The following SH3RF3 variants were observed in gnomAD, a reference collection of about 807,000 sequenced individuals.
SH3RF3 encodes the protein E3 ubiquitin-protein ligase SH3RF3.
Under a neutral mutation model 66.3 loss-of-function variants are expected in SH3RF3, and 29 were observed. That is an observed-to-expected ratio of 0.44 (90% CI 0.33 to 0.60). The LOEUF (loss-of-function observed/expected upper bound fraction) is 0.60, where lower values mean the gene tolerates loss of function less well. SH3RF3 is among the 20% of genes least tolerant of loss of function. The pLI, the probability that SH3RF3 is intolerant of heterozygous loss-of-function variation, is 0.04. For missense variants in SH3RF3, 1,194 were observed against 1,190.9 expected (o/e 1.00, Z -0.04); for synonymous variants, 583 against 532.0 (o/e 1.10, Z -1.32).
intron 8 of SH3RF3, among the ~76,000 whole-genome samples, chr2:109,457,386 G>A (rs1282005672): frequency 2.0e-5 from 3 of 152,296 alleles, no homozygotes; most frequent in Non-Finnish European, 4.4e-5. Context: ...GGTTTCAACT[G>A]CAAAGCATTA....
At chr2:109,210,093 AG>A (rs1241843533) in intron 1 of SH3RF3, among the ~76,000 whole-genome samples, 3 of 152,254 alleles carry the variant, frequency 2.0e-5, no homozygotes, top group African/African-American at 7.2e-5. Context: ...CATTTAGCAC[AG>A]GGTCCTCAGG....
intron 4 of SH3RF3, among the ~76,000 whole-genome samples, chr2:109,414,041 C>G (rs764324885): frequency 6.6e-6 from 1 of 152,226 alleles, no homozygotes; most frequent in African/African-American, 2.4e-5. Context: ...CAATGACATT[C>G]CCTCTGAAGC....
chr2:109,346,420 C>T (rs1014581422), intron 1 of SH3RF3, among the ~76,000 whole-genome samples: 3 of 152,158 alleles, frequency 2.0e-5, no homozygotes, highest in African/African-American at 7.2e-5. Context: ...GATTCGAATA[C>T]TGAAGAACTC....
chr2:109,243,311 TG>T (rs1365288269), intron 1 of SH3RF3, among the ~76,000 whole-genome samples: 1 of 152,256 alleles, frequency 6.6e-6, no homozygotes, highest in Non-Finnish European at 1.5e-5. Context: ...GAGACTCCCG[TG>T]TGCTTTTGCA....
chr2:109,432,329 G>A (rs1677253424), intron 5 of SH3RF3, among the ~76,000 whole-genome samples, 172 bp from the exon 6 acceptor site: 2 of 152,190 alleles, frequency 1.3e-5, no homozygotes, highest in African/African-American at 4.8e-5. Context: ...TTGTTATGAG[G>A]AGTGAGCTGG....
chr2:109,437,393 A>G (rs2104588258), intron 7 of SH3RF3, among the ~76,000 whole-genome samples: 1 of 151,586 alleles, frequency 6.6e-6, no homozygotes, highest in African/African-American at 2.4e-5. Context: ...TGAACGTCTG[A>G]TCTCCAGGAA....
intron 8 of SH3RF3, among the ~76,000 whole-genome samples, chr2:109,462,954 T>C (rs1209964395): frequency 1.3e-5 from 2 of 152,178 alleles, no homozygotes; most frequent in Non-Finnish European, 2.9e-5. Flanking sequence ...TTATTTTCTT[T>C]CCCCTAATGC....
intron 1 of SH3RF3, among the ~76,000 whole-genome samples, chr2:109,274,912 A>G (rs1431233027): frequency 6.6e-6 from 1 of 151,852 alleles, no homozygotes; most frequent in Non-Finnish European, 1.5e-5. Context: ...GCTGCACAAC[A>G]TTGTGAATGT....
At chr2:109,296,947 G>C (rs2105382557) in intron 1 of SH3RF3, among the ~76,000 whole-genome samples, 1 of 152,224 alleles carries the variant, frequency 6.6e-6, no homozygotes, top group South Asian at 2.1e-4. Flanking sequence ...CTAGGCCTGG[G>C]GACCTACCCT....
chr2:109,402,410 C>T (rs776596127), intron 4 of SH3RF3, among the ~76,000 whole-genome samples: 2 of 152,358 alleles, frequency 1.3e-5, no homozygotes, highest in East Asian at 1.9e-4. Context: ...CTTTGATCAT[C>T]GGCTTGGAGA....
intron 3 of SH3RF3, among the ~76,000 whole-genome samples, chr2:109,374,739 G>A (rs915494089): frequency 2.0e-5 from 3 of 152,148 alleles, no homozygotes; most frequent in East Asian, 3.9e-4. Context: ...CTCCACAGCC[G>A]CTCCAGCCGG....
chr2:109,498,008 GCCT>G (rs1679296121), intron 9 of SH3RF3, among the ~76,000 whole-genome samples: 6 of 152,168 alleles, frequency 3.9e-5, no homozygotes, highest in Admixed American at 3.9e-4. Flanking sequence ...GGCCCTCGCA[GCCT>G]CAGTTTGTGT....
At chr2:109,423,741 A>G (rs144460875) in intron 5 of SH3RF3, among the ~76,000 whole-genome samples, 1 of 152,028 alleles carries the variant, frequency 6.6e-6, no homozygotes, top group Non-Finnish European at 1.5e-5. Flanking sequence ...CCCCATGGTC[A>G]CCCCTTCCAG....
intron 1 of SH3RF3, among the ~76,000 whole-genome samples, chr2:109,343,725 C>G (rs1359197330): frequency 6.6e-6 from 1 of 150,880 alleles, no homozygotes; most frequent in East Asian, 1.9e-4. Context: ...TGCTTCTGCC[C>G]TGCTCCTGCC....
intron 8 of SH3RF3, among the ~76,000 whole-genome samples, chr2:109,488,371 C>T (rs1032618649): frequency 3.3e-5 from 5 of 152,216 alleles, no homozygotes; most frequent in Admixed American, 2.6e-4. Context: ...CAAGGTCACC[C>T]TCTCATCAAG....
chr2:109,248,279 A>T (rs1322569314), intron 1 of SH3RF3, among the ~76,000 whole-genome samples: 1 of 151,920 alleles, frequency 6.6e-6, no homozygotes, highest in Non-Finnish European at 1.5e-5. Flanking sequence ...TTCTTTTCTG[A>T]TGTGCTCATT....
intron 1 of SH3RF3, among the ~76,000 whole-genome samples, chr2:109,140,959 G>A (rs750831791): frequency 5.9e-5 from 9 of 152,124 alleles, no homozygotes; most frequent in Non-Finnish European, 8.8e-5. Context: ...CCTTCCATCC[G>A]GGGCTGCTGT....
chr2:109,501,742 G>A lies in SH3RF3; in HGVS notation c.*71G>A. The A allele has an allele frequency of 4.4e-6, 3 of 686,350 alleles. No homozygotes were observed. Among genetic ancestry groups the A allele is most frequent in the South Asian group, 1.6e-5 (1 of 64,368 alleles). The allele number at this position is 686,350 out of a possible 1,614,324, so 42.5% of individuals were successfully genotyped here. A position where few individuals can be genotyped will look rare whatever the true frequency, so the allele number is the denominator to read the frequency against. ...GGGAAGCTCCACGGCACACAGAGAG[G>A]GAGCCATGGCGCCCCAAGGGTTCCA... On this transcript the variant is annotated 3_prime_UTR_variant, in exon 10 of 10. Coordinates refer to ENST00000309415, the MANE Select transcript of SH3RF3 (RefSeq NM_001099289.3).
chr2:109,203,490 A>G (rs1461966010), intron 1 of SH3RF3, among the ~76,000 whole-genome samples: 1 of 152,010 alleles, frequency 6.6e-6, no homozygotes, highest in African/African-American at 2.4e-5. Flanking sequence ...CCTAAGTCCC[A>G]CCGCTCCCCA....
Sources: gnomAD v4.1 joint callset for allele counts (sites outside exome capture counted in the v4.1 genomes callset) on GRCh38, gnomAD v4.1.1 for gene constraint, MANE v1.5 for transcripts, NCBI Gene and HGNC (gene_info 2026-07-23, HGNC 2026-07-21) for gene names.